KIF13A: variants seen among roughly 807,000 people sequenced by gnomAD.
KIF13A encodes the protein kinesin-like protein KIF13A.
In KIF13A, 79 loss-of-function variants were observed where a neutral mutation model predicts 212.2. That is an observed-to-expected ratio of 0.37 (90% CI 0.31 to 0.45). The LOEUF (loss-of-function observed/expected upper bound fraction) is 0.45, where lower values mean the gene tolerates loss of function less well. KIF13A is among the 20% of genes least tolerant of loss of function. The pLI, the probability that KIF13A is intolerant of heterozygous loss-of-function variation, is 1.00. For synonymous variants in KIF13A, 789 were observed against 808.6 expected, an observed-to-expected ratio of 0.98 and a Z score of 0.41; for missense variants, 1,901 against 2,209.0, an observed-to-expected ratio of 0.86 and a Z score of 2.79.
rs1361973820 is a variant in KIF13A, at chr6:17,787,543, C to T, written c.3361+233G>A. ...GCTTGTGCCTGTGGTCTCAGCTACT[C>T]AGGAGGCTGAGGCAGGAGGATCTCT... On this transcript the variant is annotated intron_variant, in intron 27 of 38. Transcript: ENST00000259711. The surrounding 1 kb of genome is among the most constrained non-coding windows in gnomAD (Gnocchi z 4.6). Among the ~76,000 whole-genome samples, 1 of 152,140 alleles carries T rather than the reference C, an allele frequency of 6.6e-6. No individual in the cohort carries two copies. The highest frequency in any genetic ancestry group is 1.9e-4 in the East Asian group (1 of 5,180).
chr6:17,982,813 C>T lies in KIF13A; in HGVS notation c.146+4241G>A, dbSNP rs1457170880. On this transcript the variant is annotated intron_variant, in intron 2 of 38. Transcript: ENST00000259711. This position sits in a 1 kb window ranked among gnomAD's most constrained non-coding sequence, Gnocchi z 5.1. ...AGCCAACCACCTATATTTTAAAAACCACCACTACCATTCACACTGAATGTA... is the reference window on the plus strand; with the variant it reads ...AGCCAACCACCTATATTTTAAAAACTACCACTACCATTCACACTGAATGTA... 1.3e-5 allele frequency among the ~76,000 whole-genome samples: 2 copies of T among 152,142 alleles called. No individual in the cohort carries two copies. The highest frequency in any genetic ancestry group is 1.9e-4 in the East Asian group (1 of 5,188).
downstream of KIF13A, chr6:17,763,641 T>C (rs982196393): frequency 2.2e-5 from 4 of 183,188 alleles, no homozygotes; most frequent in Admixed American, 2.3e-4. Context: ...CTATGATATA[T>C]ATGTTTTTCT....
At position 17,855,507 on chromosome 6, in the gene KIF13A, T is replaced by A; in HGVS notation, c.424A>T (p.Thr142Ser). ...ATATAGGACACTTCAACTTTAAAGGTCTGTGACTCATTTTGCTCCAAAGAG... is the reference window on the plus strand; with the variant it reads ...ATATAGGACACTTCAACTTTAAAGGACTGTGACTCATTTTGCTCCAAAGAG... ...RISLEQNESQ[T>S]FKVEVSYMEI... The change falls in exon 6 of 39, where the codon ACC becomes TCC. Residue 142 changes from threonine to serine, a missense_variant. Coordinates refer to ENST00000259711, the MANE Select transcript of KIF13A (RefSeq NM_022113.6). This position sits in a 1 kb window ranked among gnomAD's most constrained non-coding sequence, Gnocchi z 4.1. 1.2e-6 allele frequency: 2 copies of A among 1,613,790 alleles called. No individual in the cohort carries two copies. Among genetic ancestry groups the A allele is most frequent in the Non-Finnish European group, 1.7e-6 (2 of 1,179,760 alleles).
rs188021274 is a variant in KIF13A at position 17,787,275 on chromosome 6, A to C, written c.3361+501T>G. Among the ~76,000 whole-genome samples the C allele has an allele frequency of 5.3e-5, 8 of 152,340 alleles. No homozygotes were observed. The highest frequency in any genetic ancestry group is 9.6e-5 in the African/African-American group (4 of 41,588). ...ATGAGATAATTCTGAGTTTTATGAA[A>C]ACTTACTACTTTCAAATTTGGAGGC... On this transcript the variant is annotated intron_variant, in intron 27 of 38. Transcript: ENST00000259711. This position sits in a 1 kb window ranked among gnomAD's most constrained non-coding sequence, Gnocchi z 4.6.
intron 4 of KIF13A, among the ~76,000 whole-genome samples, chr6:17,857,716 C>T (rs139426589): frequency 2.2e-4 from 34 of 152,200 alleles, no homozygotes; most frequent in Non-Finnish European, 4.6e-4. Flanking sequence ...GGAGAATAAA[C>T]GCATACAGAC....
intron 16 of KIF13A, chr6:17,821,834 G>C: frequency 2.0e-6 from 3 of 1,535,292 alleles, no homozygotes; most frequent in Non-Finnish European, 1.7e-6. Flanking sequence ...CACATGAGAG[G>C]AAAGAGGATC....
rs1223721854 is a variant in KIF13A at position 17,825,346 on chromosome 6, C to A, written c.1786+422G>T. Among the ~76,000 whole-genome samples, 1 of 152,118 alleles carries A rather than the reference C, an allele frequency of 6.6e-6. No homozygotes were observed. The highest frequency in any genetic ancestry group is 1.9e-4 in the East Asian group (1 of 5,198). ...GGTAAAATTTCCAATTGAGTTTATA[C>A]TAAAATGCTGTGACTTTTATCTTTC... is the stretch of plus-strand genomic sequence containing the variant. On this transcript the variant is annotated intron_variant, in intron 16 of 38. Transcript: ENST00000259711. This position sits in a 1 kb window ranked among gnomAD's most constrained non-coding sequence, Gnocchi z 4.5.
At chr6:17,815,474 T>C (rs1319720552) in intron 17 of KIF13A, 1 of 187,306 alleles carries the variant, frequency 5.3e-6, no homozygotes, top group Non-Finnish European at 1.2e-5. Flanking sequence ...CAAGGCCCGC[T>C]AGGTAATGGG....
At chr6:17,973,979 G>C (rs996196072) in intron 2 of KIF13A, among the ~76,000 whole-genome samples, 1 of 152,212 alleles carries the variant, frequency 6.6e-6, no homozygotes, top group Non-Finnish European at 1.5e-5. Flanking sequence ...AGATAAGTTA[G>C]GTAATTCTTT....
rs757052910 is a variant in KIF13A, at chr6:17,789,156, A to G, written c.3261+716T>C. Among the ~76,000 whole-genome samples the G allele has an allele frequency of 7.2e-5, 11 of 152,218 alleles. No individual in the cohort carries two copies. The highest frequency in any genetic ancestry group is 1.3e-4 in the Non-Finnish European group (9 of 68,040). ...TTGGTTTGCTGCTTTGACTATTTGT[A>G]CGTAACCCCACACTCCATGATATCA... On this transcript the variant is annotated intron_variant, in intron 26 of 38. Coordinates refer to ENST00000259711, the MANE Select transcript of KIF13A (RefSeq NM_022113.6). The surrounding 1 kb of genome is among the most constrained non-coding windows in gnomAD (Gnocchi z 4.8).
chr6:17,794,827 A>T lies in KIF13A; in HGVS notation c.2943-123T>A, dbSNP rs573018092. On this transcript the variant is annotated intron_variant, in intron 23 of 38. Transcript: ENST00000259711. This position sits in a 1 kb window ranked among gnomAD's most constrained non-coding sequence, Gnocchi z 4.1. ...AGGCACTGTGCCATTTATCTTGTAT[A>T]AGTTACTTCCTTATTTAACTCTCAA... 9.9e-7 allele frequency: 1 copy of T among 1,013,050 alleles called. No homozygotes were observed. The highest frequency in any genetic ancestry group is 1.8e-5 in the South Asian group (1 of 55,428). 62.8% of individuals were successfully genotyped at this position (1,013,050 alleles called of 1,614,324 possible).
At chr6:17,874,302 G>T (rs1581600607) in intron 3 of KIF13A, among the ~76,000 whole-genome samples, 3 of 151,638 alleles carry the variant, frequency 2.0e-5, no homozygotes, top group African/African-American at 7.3e-5. Context: ...TGGTGGTGGG[G>T]GGGGTTCTTA....
At chr6:17,973,054 GTGGAAGA>G in intron 2 of KIF13A, among the ~76,000 whole-genome samples, 2 of 152,162 alleles carry the variant, frequency 1.3e-5, no homozygotes, top group East Asian at 3.8e-4. Context: ...TCATCCCACA[GTGGAAGA>G]TAGGAAATAT....
In KIF13A at chr6:17,898,873, T is replaced by G. The variant is rs912633042; in HGVS notation, c.147-693A>C. Among the ~76,000 whole-genome samples, 23 of 152,300 alleles carry G rather than the reference T, an allele frequency of 1.5e-4. No individual in the cohort carries two copies. Among genetic ancestry groups the G allele is most frequent in the Admixed American group, 9.2e-4 (14 of 15,298 alleles). On this transcript the variant is annotated intron_variant, in intron 2 of 38. Coordinates refer to ENST00000259711, the MANE Select transcript of KIF13A (RefSeq NM_022113.6). The surrounding 1 kb of genome is among the most constrained non-coding windows in gnomAD (Gnocchi z 5.2). ...TCTCCAGAGATGGGGTCTCACTTGG[T>G]TGTTCAGGATGGAGTGCAGTGATGT...
chr6:17,901,426 C>T (rs1037490776), intron 2 of KIF13A, among the ~76,000 whole-genome samples: 5 of 152,168 alleles, frequency 3.3e-5, no homozygotes, highest in Non-Finnish European at 4.4e-5. Context: ...ATAAACTTAA[C>T]AGGCTGAGAT....
intron 2 of KIF13A, among the ~76,000 whole-genome samples, chr6:17,976,349 G>T (rs1306246141): frequency 6.6e-6 from 1 of 152,224 alleles, no homozygotes; most frequent in African/African-American, 2.4e-5. Flanking sequence ...GGCAGCTAAG[G>T]CCCGGCGAGA....
Position 17,852,020 on chromosome 6 carries a change from G to C in KIF13A, c.517C>G (p.Arg173Gly). Reference protein sequence around the residue: ...PKGSRQSLKVREHKVLGPYVD... With the variant: ...PKGSRQSLKVGEHKVLGPYVD... ...TATGGTCCCAAAACTTTATGTTCTC[G>C]AACTTTAAGAGACTGTCTACTCCTG... Residue 173 changes from arginine (R) to glycine (G), a missense_variant, in exon 7 of 39, where the codon CGA (arginine) becomes GGA (glycine). By Grantham distance (125) the Arg-to-Gly change is moderately radical. Coordinates refer to ENST00000259711, the MANE Select transcript of KIF13A (RefSeq NM_022113.6). 1 of 1,546,638 alleles carries C rather than the reference G, an allele frequency of 6.5e-7. No individual in the cohort carries two copies. The highest frequency in any genetic ancestry group is 8.7e-7 in the Non-Finnish European group (1 of 1,148,000).
At chr6:17,956,728 T>C (rs926115679) in intron 2 of KIF13A, among the ~76,000 whole-genome samples, 30 of 151,900 alleles carry the variant, frequency 2.0e-4, no homozygotes, top group African/African-American at 6.5e-4. Flanking sequence ...AATCTGGCTG[T>C]GGGTCAAAAA....
At chr6:17,981,091 A>G (rs1303671385) in intron 2 of KIF13A, among the ~76,000 whole-genome samples, 6 of 151,738 alleles carry the variant, frequency 4.0e-5, no homozygotes, top group Non-Finnish European at 8.8e-5. Flanking sequence ...AACTGTGTAT[A>G]CAGGTTAAGA....
Sources: gnomAD v4.1 joint callset for allele counts (sites outside exome capture counted in the v4.1 genomes callset) on GRCh38, gnomAD v4.1.1 for gene constraint, Gnocchi (gnomAD v3.1) non-coding constraint, MANE v1.5 for transcripts, NCBI Gene and HGNC (gene_info 2026-07-23, HGNC 2026-07-21) for gene names.